Variants in PCDH9 observed in about 807,000 individuals in gnomAD.
The protein encoded by PCDH9 is protocadherin-9.
A neutral mutation model predicts 70.6 loss-of-function variants in PCDH9; 24 were observed. That is an observed-to-expected ratio of 0.34 (90% CI 0.25 to 0.48). PCDH9 has a LOEUF of 0.48. Among genes scored for constraint, PCDH9 ranks in the 20% least tolerant of loss-of-function variants. PCDH9 has a pLI of 0.99. For missense variants in PCDH9, 1,281 were observed against 1,503.6 expected (o/e 0.85, Z 2.45); for synonymous variants, 562 against 558.5 (o/e 1.01, Z -0.09).
chr13:67,108,091 T>C (rs1300846624), intron 2 of PCDH9, among the ~76,000 whole-genome samples: 1 of 152,188 alleles, frequency 6.6e-6, no homozygotes, highest in African/African-American at 2.4e-5. Flanking sequence ...GACCCTGTGC[T>C]CAGTTGCCCA....
At chr13:66,447,957 T>C (rs1003927210) in intron 4 of PCDH9, among the ~76,000 whole-genome samples, 1 of 152,286 alleles carries the variant, frequency 6.6e-6, no homozygotes, top group African/African-American at 2.4e-5. Flanking sequence ...GAAAAAATCC[T>C]ACCTCTTTCT....
In PCDH9 at chr13:66,544,459, C is replaced by G. The variant is rs542076331; in HGVS notation, c.3340+86751G>C. ...AGGCAGGTGAGCCCCCGAATTGGAGCTTAGGCCTTGAGGGTTCTTGGTTTT... is the reference window on the plus strand; with the variant it reads ...AGGCAGGTGAGCCCCCGAATTGGAGGTTAGGCCTTGAGGGTTCTTGGTTTT... On this transcript the variant is annotated intron_variant, in intron 4 of 4. Transcript: ENST00000377865. Among the ~76,000 whole-genome samples, 5 of 152,226 alleles carry G rather than the reference C, an allele frequency of 3.3e-5. No individual in the cohort carries two copies. The East Asian group carries it at 9.7e-4, about 29-fold the overall frequency.
intron 3 of PCDH9, among the ~76,000 whole-genome samples, chr13:66,782,045 C>T (rs946480938): frequency 6.6e-6 from 1 of 152,098 alleles, no homozygotes; most frequent in Admixed American, 6.6e-5. Context: ...TTCTTGGATT[C>T]AGAATTTGGT....
At chr13:66,989,664 T>C (rs539311805) in intron 2 of PCDH9, among the ~76,000 whole-genome samples, 10 of 152,014 alleles carry the variant, frequency 6.6e-5, no homozygotes, top group African/African-American at 2.4e-4. Context: ...AACGATCCTG[T>C]GTACTTGTGA....
Position 66,600,779 on chromosome 13 carries a change from T to C in PCDH9, c.3340+30431A>G, listed in dbSNP as rs1207017210. 6.3e-5 allele frequency among the ~76,000 whole-genome samples: 9 copies of C among 143,892 alleles called. 2 individuals are homozygous for C. The highest frequency in any genetic ancestry group is 2.3e-4 in the African/African-American group (9 of 39,872). The allele number at this position is 143,892 out of a possible 152,430, so 94.4% of individuals were successfully genotyped here. A position where few individuals can be genotyped will look rare whatever the true frequency, so the allele number is the denominator to read the frequency against. ...CTAATTAAGAACGTGTGTGTGTGTG[T>C]GTGTGTGTGTGTGTGTGTAAGGGAG... On this transcript the variant is annotated intron_variant, in intron 4 of 4. Transcript: ENST00000377865.
intron 4 of PCDH9, among the ~76,000 whole-genome samples, chr13:66,343,418 C>T (rs115665992): frequency 9.9e-5 from 15 of 152,202 alleles, no homozygotes; most frequent in African/African-American, 2.6e-4. Flanking sequence ...AACTGTCGTC[C>T]GACTTTAGTG....
chr13:67,022,407 C>A (rs1379761031), intron 2 of PCDH9, among the ~76,000 whole-genome samples: 1 of 152,070 alleles, frequency 6.6e-6, no homozygotes, highest in African/African-American at 2.4e-5. Context: ...AGGCATGAGC[C>A]ACTGCACCCA....
At chr13:66,393,789 A>T (rs1957058674) in intron 4 of PCDH9, among the ~76,000 whole-genome samples, 2 of 152,190 alleles carry the variant, frequency 1.3e-5, no homozygotes, top group African/African-American at 2.4e-5. Flanking sequence ...CTAAATGAAC[A>T]GTGCACTGTA....
chr13:66,518,906 G>A (rs758748836), intron 4 of PCDH9, among the ~76,000 whole-genome samples: 1 of 152,112 alleles, frequency 6.6e-6, no homozygotes, highest in Non-Finnish European at 1.5e-5. Context: ...GTATTTCCAA[G>A]AAAGGCCCAA....
chr13:66,764,031 T>C (rs1417851743), intron 3 of PCDH9, among the ~76,000 whole-genome samples: 4 of 151,936 alleles, frequency 2.6e-5, no homozygotes, highest in African/African-American at 9.7e-5. Flanking sequence ...ACTCCTGATC[T>C]TGGGTGATCC....
At chr13:67,181,071 T>A (rs1184677284) in intron 2 of PCDH9, among the ~76,000 whole-genome samples, 1 of 152,176 alleles carries the variant, frequency 6.6e-6, no homozygotes, top group Non-Finnish European at 1.5e-5. Flanking sequence ...GGGAGATGTG[T>A]CGGAACCCAG....
chr13:66,452,215 A>T (rs906296907), intron 4 of PCDH9, among the ~76,000 whole-genome samples: 1 of 152,142 alleles, frequency 6.6e-6, no homozygotes, highest in Non-Finnish European at 1.5e-5. Flanking sequence ...AGAGGATGGG[A>T]CATTTTTTCC....
intron 2 of PCDH9, among the ~76,000 whole-genome samples, chr13:67,054,654 A>G (rs533719243): frequency 9.9e-5 from 15 of 152,182 alleles, no homozygotes; most frequent in Non-Finnish European, 1.8e-4. Flanking sequence ...AATGTTTAAA[A>G]TTATTGAGAA....
chr13:66,654,233 G>A (rs1219217296), intron 3 of PCDH9, among the ~76,000 whole-genome samples: 2 of 152,120 alleles, frequency 1.3e-5, no homozygotes, highest in African/African-American at 2.4e-5. Context: ...AACTTCAAAT[G>A]TTCTCACTTA....
Position 67,227,032 on chromosome 13 carries a change from T to C in PCDH9, c.1409A>G (p.Asn470Ser). 1 of 1,614,186 alleles carries C rather than the reference T, an allele frequency of 6.2e-7. No homozygotes were observed. The highest frequency in any genetic ancestry group is 8.5e-7 in the Non-Finnish European group (1 of 1,180,012). The change falls in exon 2 of 5, where the codon AAC (asparagine) becomes AGC (serine). Residue 470 changes from asparagine (N) to serine (S), a missense_variant. Physicochemically the swap from Asn to Ser is conservative, Grantham distance 46. This residue lies in a region of PCDH9 where 798 missense variants were observed against 1,003.1 expected (regional missense o/e 0.80). Transcript: ENST00000377865. The surrounding 1 kb of genome is among the most constrained non-coding windows in gnomAD (Gnocchi z 4.6). ...EDENDNPPIF[N>S]QPVIELSVSE... ...AACTGACAGCTCAATTACAGGCTGG[T>C]TGAAAATTGGTGGGTTGTCATTTTC...
At chr13:66,940,526 G>A (rs1336959463) in intron 2 of PCDH9, among the ~76,000 whole-genome samples, 1 of 151,742 alleles carries the variant, frequency 6.6e-6, no homozygotes, top group African/African-American at 2.4e-5. Flanking sequence ...CTATTATTAG[G>A]GTGTTATTCA....
Position 66,593,963 on chromosome 13 carries a change from T to G in PCDH9, c.3340+37247A>C, listed in dbSNP as rs555372601. Among the ~76,000 whole-genome samples, 158 of 151,516 alleles carry G rather than the reference T, an allele frequency of 1.0e-3. 1 individual carries two copies. Among genetic ancestry groups the G allele is most frequent in the African/African-American group, 3.6e-3 (151 of 41,450 alleles). On this transcript the variant is annotated intron_variant, in intron 4 of 4. Coordinates refer to ENST00000377865, the MANE Select transcript of PCDH9 (RefSeq NM_203487.3). ...TTTTTTTATAGTCTTTAATCATTAG[T>G]TTTTTTTCAGGAATAGTGGTGTTTT...
At chr13:66,342,213 A>G (rs1566254627) in intron 4 of PCDH9, among the ~76,000 whole-genome samples, 1 of 152,250 alleles carries the variant, frequency 6.6e-6, no homozygotes, top group Non-Finnish European at 1.5e-5. Context: ...TCATCACTTA[A>G]GAACATGTTT....
chr13:66,399,918 AC>A (rs1453501206), intron 4 of PCDH9, among the ~76,000 whole-genome samples: 13 of 152,132 alleles, frequency 8.5e-5, no homozygotes, highest in Admixed American at 8.5e-4. Context: ...TGAGAATCAG[AC>A]CCTGGGTTAC....
Sources: gnomAD v4.1 joint callset for allele counts (sites outside exome capture counted in the v4.1 genomes callset) on GRCh38, gnomAD v4.1.1 for gene constraint, gnomAD v4.1.1 regional missense constraint, Gnocchi (gnomAD v3.1) non-coding constraint, MANE v1.5 for transcripts, NCBI Gene and HGNC (gene_info 2026-07-23, HGNC 2026-07-21) for gene names.